Variants in CBFA2T2 observed in about 807,000 individuals in gnomAD.
CBFA2T2 encodes CBFA2/RUNX1 partner transcriptional co-repressor 2, also known as protein CBFA2T2.
A neutral mutation model predicts 62.2 loss-of-function variants in CBFA2T2; 11 were observed. That is an observed-to-expected ratio of 0.18 (90% CI 0.11 to 0.29). The LOEUF is 0.29. Ranked by LOEUF, CBFA2T2 falls within the 10% of genes least tolerant of loss-of-function variation. The pLI, the probability that CBFA2T2 is intolerant of heterozygous loss-of-function variation, is 1.00. For missense variants in CBFA2T2, 592 were observed against 774.1 expected (o/e 0.76, Z 2.79); for synonymous variants, 295 against 287.5 (o/e 1.03, Z -0.27).
chr20:33,644,798 C>A lies in CBFA2T2; in HGVS notation c.*152C>A. 3.9e-6 allele frequency: 3 copies of A among 774,628 alleles called. No homozygotes were observed. The highest frequency in any genetic ancestry group is 2.7e-5 in the East Asian group (1 of 36,906). The allele number at this position is 774,628 out of a possible 1,614,324, so 48.0% of individuals were successfully genotyped here. On this transcript the variant is annotated 3_prime_UTR_variant, in exon 11 of 11. Coordinates refer to ENST00000342704, the MANE Select transcript of CBFA2T2 (RefSeq NM_001032999.3). ...AGTCCAAGCCTGAATAATAACACCC[C>A]ACAGCCTCTCTGTGCACTTGCTGTC...
intron 7 of CBFA2T2, 42 bp downstream of exon 7, chr20:33,628,477 CT>C (rs780864869): frequency 2.1e-4 from 297 of 1,399,968 alleles, no homozygotes; most frequent in Non-Finnish European, 2.5e-4. Context: ...CTCTTTATTA[CT>C]TTTTTTTGAA....
At position 33,619,594 on chromosome 20, in the gene CBFA2T2, T is replaced by C. The variant is rs1231569165; in HGVS notation, c.498T>C (p.Ile166=). ...ATNFPLRPFV[I]PFLKANLPLL... ...ACTTTCCCCTTCGTCCTTTTGTGAT[T>C]CCATTTCTCAAGGTAATTTGATAAT... The change falls in exon 4 of 11, where the codon ATT becomes ATC. Residue 166 remains isoleucine, a synonymous_variant. Coordinates refer to ENST00000342704, the MANE Select transcript of CBFA2T2 (RefSeq NM_001032999.3). 1 of 1,599,456 alleles carries C rather than the reference T, an allele frequency of 6.3e-7. No homozygotes were observed.
chr20:33,543,498 T>C (rs1568810031), intron 1 of CBFA2T2, among the ~76,000 whole-genome samples: 3 of 152,090 alleles, frequency 2.0e-5, no homozygotes, highest in Admixed American at 6.5e-5. Context: ...TAAATAGTTA[T>C]TAGAGTTCAA....
At chr20:33,499,023 G>T (rs1031094398) in intron 1 of CBFA2T2, among the ~76,000 whole-genome samples, 3 of 148,298 alleles carry the variant, frequency 2.0e-5, no homozygotes, top group African/African-American at 7.5e-5. Flanking sequence ...CAGCCTGGGC[G>T]AAAGAGTGAA....
At chr20:33,533,088 C>G (rs1202413793) in intron 1 of CBFA2T2, among the ~76,000 whole-genome samples, 3 of 152,110 alleles carry the variant, frequency 2.0e-5, no homozygotes, top group Non-Finnish European at 4.4e-5. Context: ...CTTTTCCCCC[C>G]TTACATATAC....
At chr20:33,550,608 G>GCTATTTAT (rs2012712370) in intron 1 of CBFA2T2, among the ~76,000 whole-genome samples, 1 of 150,084 alleles carries the variant, frequency 6.7e-6, no homozygotes, top group African/African-American at 2.5e-5. Context: ...TACTAATGTG[G>GCTATTTAT]TTATTTATTT....
intron 1 of CBFA2T2, among the ~76,000 whole-genome samples, chr20:33,503,293 C>G (rs1176002834): frequency 7.9e-6 from 1 of 126,404 alleles, no homozygotes; most frequent in East Asian, 2.4e-4. Context: ...CTCGCCCAGT[C>G]GCCCAGGCTG....
At chr20:33,502,345 ACTG>A (rs1385269564) in intron 1 of CBFA2T2, among the ~76,000 whole-genome samples, 1 of 151,480 alleles carries the variant, frequency 6.6e-6, no homozygotes, top group Non-Finnish European at 1.5e-5. Flanking sequence ...ACATTTTTTA[ACTG>A]CTTTTTTTGA....
At position 33,501,630 on chromosome 20, in the gene CBFA2T2, CTTTTTTTTT is replaced by C. The variant is rs869281966; in HGVS notation, c.34+11349_34+11357del. 4.4e-4 allele frequency among the ~76,000 whole-genome samples: 28 copies of C among 63,264 alleles called. No homozygotes were observed. In the East Asian group the frequency reaches 8.7e-3, roughly 20 times the overall value. 41.5% of individuals were successfully genotyped at this position (63,264 alleles called of 152,430 possible). A position where few individuals can be genotyped will look rare whatever the true frequency, so the allele number is the denominator to read the frequency against. The stretch of plus-strand genomic sequence containing the variant: ...AGTTGAAACTATATTCTTAGCCTTC[CTTTTTTTTT>C]TTTTTTTTTTTTTTTTTTTGAGAGG... On this transcript the variant is annotated intron_variant, in intron 1 of 10. Coordinates refer to ENST00000342704, the MANE Select transcript of CBFA2T2 (RefSeq NM_001032999.3).
chr20:33,612,217 G>A (rs80033977), intron 3 of CBFA2T2, among the ~76,000 whole-genome samples: 2,377 of 152,294 alleles, frequency 0.016, 24 homozygotes, highest in Middle Eastern at 0.048. Flanking sequence ...GCATAAAGGA[G>A]TGATTTTCTG....
intron 5 of CBFA2T2, chr20:33,624,038 T>C (rs2016114645): frequency 1.3e-5 from 7 of 546,604 alleles, no homozygotes; most frequent in Non-Finnish European, 2.3e-5. Flanking sequence ...AACGCATTTT[T>C]TTCTGATCTG....
intron 1 of CBFA2T2, among the ~76,000 whole-genome samples, chr20:33,542,406 T>C (rs990636914): frequency 6.6e-6 from 1 of 152,190 alleles, no homozygotes; most frequent in Non-Finnish European, 1.5e-5. Flanking sequence ...TTTTGTACCC[T>C]CAGTTTAAGA....
intron 1 of CBFA2T2, among the ~76,000 whole-genome samples, chr20:33,520,102 G>T (rs1307188799): frequency 6.6e-6 from 1 of 152,066 alleles, no homozygotes. Flanking sequence ...CCGAGATCAC[G>T]CCATTGCACT....
chr20:33,570,095 A>G (rs1235100574), intron 1 of CBFA2T2, among the ~76,000 whole-genome samples: 1 of 152,182 alleles, frequency 6.6e-6, no homozygotes, highest in Non-Finnish European at 1.5e-5. Flanking sequence ...CCTATCCAAA[A>G]TGGTGAAGCC....
At chr20:33,536,125 C>G (rs1374737025) in intron 1 of CBFA2T2, among the ~76,000 whole-genome samples, 1 of 152,254 alleles carries the variant, frequency 6.6e-6, no homozygotes, top group Non-Finnish European at 1.5e-5. Context: ...CACCTTTCCC[C>G]CCTTTCTATT....
chr20:33,579,299 C>T (rs1378155480), intron 1 of CBFA2T2, among the ~76,000 whole-genome samples: 1 of 151,600 alleles, frequency 6.6e-6, no homozygotes, highest in African/African-American at 2.4e-5. Flanking sequence ...AACTTCTGGG[C>T]TCAAGCAGTC....
chr20:33,524,945 C>G (rs2011843517), intron 1 of CBFA2T2, among the ~76,000 whole-genome samples: 1 of 152,146 alleles, frequency 6.6e-6, no homozygotes, highest in East Asian at 1.9e-4. Context: ...AGCAATTCTC[C>G]TGCCTCAGCC....
At chr20:33,578,182 A>T (rs2013919919) in intron 1 of CBFA2T2, among the ~76,000 whole-genome samples, 1 of 152,158 alleles carries the variant, frequency 6.6e-6, no homozygotes, top group African/African-American at 2.4e-5. Context: ...TTTACAGCTG[A>T]CTACTTTAGT....
chr20:33,574,396 C>T (rs1475202900), intron 1 of CBFA2T2: 3 of 657,326 alleles, frequency 4.6e-6, no homozygotes, highest in Admixed American at 2.6e-5. Context: ...GAGGCCAAGG[C>T]GGGTGGATCA....
Sources: allele counts gnomAD v4.1 joint callset (sites outside exome capture counted in the v4.1 genomes callset), GRCh38; gene constraint gnomAD v4.1.1; transcripts MANE v1.5; gene names NCBI Gene and HGNC (gene_info 2026-07-23, HGNC 2026-07-21).